Variants in RANBP2 observed in about 807,000 individuals in gnomAD.
The protein encoded by RANBP2 is RAN binding protein 2, also known as E3 SUMO-protein ligase RanBP2.
RANBP2 carries 57 observed loss-of-function variants against 303.6 expected under a neutral mutation model. The observed-to-expected ratio is 0.19, with a 90% CI of 0.15 to 0.23. The LOEUF (loss-of-function observed/expected upper bound fraction) is 0.23, where lower values mean the gene tolerates loss of function less well. Ranked by LOEUF, RANBP2 falls within the 10% of genes least tolerant of loss-of-function variation. The pLI is 1.00. For missense variants in RANBP2, 3,138 were observed against 3,780.8 expected, an observed-to-expected ratio of 0.83 and a Z score of 4.46; for synonymous variants, 1,167 against 1,301.5, an observed-to-expected ratio of 0.90 and a Z score of 2.23.
At chr2:109,099,801 T>A in the RANBP2 span, among the ~76,000 whole-genome samples, 1 of 152,186 alleles carries the variant, frequency 6.6e-6, no homozygotes, top group Admixed American at 6.5e-5. Flanking sequence ...TTTGTTTTTT[T>A]AATCATACCT....
chr2:108,745,808 C>A (rs2693115), intron 7 of RANBP2, among the ~76,000 whole-genome samples: 24 of 151,836 alleles, frequency 1.6e-4, no homozygotes, highest in South Asian at 1.5e-3. Context: ...TATGCAGGGT[C>A]GAAAAGTAAT....
chr2:108,782,496 A>G (rs1678324884), intron 27 of RANBP2, 32 bp from the exon 28 acceptor site: 1 of 1,613,388 alleles, frequency 6.2e-7, no homozygotes, highest in African/African-American at 1.3e-5. Context: ...TTTAATACTA[A>G]GGTCACTGCT....
the RANBP2 span, among the ~76,000 whole-genome samples, chr2:109,138,869 G>A: frequency 3.9e-5 from 6 of 152,188 alleles, no homozygotes; most frequent in African/African-American, 1.4e-4. Flanking sequence ...TTAAGCACTG[G>A]AATATACATT....
the RANBP2 span, among the ~76,000 whole-genome samples, chr2:109,508,564 G>T: frequency 6.6e-6 from 1 of 151,982 alleles, no homozygotes; most frequent in Non-Finnish European, 1.5e-5. Context: ...CAACAGACGT[G>T]GACATCATTA....
At chr2:108,954,683 T>A in the RANBP2 span, among the ~76,000 whole-genome samples, 2 of 151,982 alleles carry the variant, frequency 1.3e-5, no homozygotes, top group Non-Finnish European at 2.9e-5. Flanking sequence ...ATAATCTTTT[T>A]TTTTTTTTCT....
chr2:109,302,232 G>C, the RANBP2 span, among the ~76,000 whole-genome samples: 1 of 152,132 alleles, frequency 6.6e-6, no homozygotes, highest in African/African-American at 2.4e-5. Context: ...GATGCTTTCA[G>C]GTTGCTCTAA....
the RANBP2 span, among the ~76,000 whole-genome samples, chr2:109,190,277 G>A: frequency 3.3e-5 from 5 of 152,066 alleles, no homozygotes; most frequent in African/African-American, 1.2e-4. Context: ...GGGTTCAAGT[G>A]ATTCTTCTGC....
chr2:108,810,391 C>T, the RANBP2 span, among the ~76,000 whole-genome samples: 1 of 152,134 alleles, frequency 6.6e-6, no homozygotes, highest in African/African-American at 2.4e-5. Flanking sequence ...TTTTCTGTGT[C>T]TATTGAAATG....
chr2:109,691,282 T>TA, the RANBP2 span, among the ~76,000 whole-genome samples: 1 of 152,218 alleles, frequency 6.6e-6, no homozygotes, highest in African/African-American at 2.4e-5. Flanking sequence ...GACAGGTTTT[T>TA]AGTGGATACC....
At chr2:109,130,760 T>A in the RANBP2 span, among the ~76,000 whole-genome samples, 6 of 152,120 alleles carry the variant, frequency 3.9e-5, no homozygotes, top group Non-Finnish European at 7.4e-5. Flanking sequence ...ACGGGGGTCA[T>A]TTATATTTAT....
the RANBP2 span, among the ~76,000 whole-genome samples, chr2:109,589,780 G>A: frequency 1.3e-5 from 2 of 151,806 alleles, no homozygotes; most frequent in Non-Finnish European, 2.9e-5. Flanking sequence ...GAAAACATAT[G>A]TCCACCCAAG....
the RANBP2 span, chr2:109,129,740 C>T: frequency 1.9e-6 from 3 of 1,539,150 alleles, no homozygotes; most frequent in Non-Finnish European, 2.6e-6. Context: ...CTGGACACCA[C>T]GGCCAAGGTG....
At chr2:109,430,645 T>G in the RANBP2 span, among the ~76,000 whole-genome samples, 1 of 152,234 alleles carries the variant, frequency 6.6e-6, no homozygotes, top group Admixed American at 6.5e-5. Flanking sequence ...TTTGTCATTT[T>G]CACTGGACTT....
the RANBP2 span, among the ~76,000 whole-genome samples, chr2:109,064,640 T>C: frequency 6.6e-6 from 1 of 152,162 alleles, no homozygotes; most frequent in Admixed American, 6.5e-5. Flanking sequence ...GAAAGATTTC[T>C]TCTGTTTAAA....
At chr2:109,465,901 C>T in the RANBP2 span, among the ~76,000 whole-genome samples, 1 of 152,090 alleles carries the variant, frequency 6.6e-6, no homozygotes, top group South Asian at 2.1e-4. Context: ...AATCTGCTTC[C>T]ACGACCATTC....
At chr2:108,797,962 ATTTTT>A in the RANBP2 span, among the ~76,000 whole-genome samples, 1 of 141,238 alleles carries the variant, frequency 7.1e-6, no homozygotes, top group African/African-American at 2.6e-5. Context: ...ACGGTGTGTG[ATTTTT>A]TTTTTTTTTT....
chr2:109,237,981 C>A, the RANBP2 span, among the ~76,000 whole-genome samples: 2 of 152,084 alleles, frequency 1.3e-5, no homozygotes, highest in Non-Finnish European at 2.9e-5. Context: ...GCTTGTAATC[C>A]TAGCACTTGA....
At chr2:108,789,057 C>A (rs1679464198), downstream of RANBP2, 8 of 1,357,300 alleles carry the variant, frequency 5.9e-6, no homozygotes, top group Non-Finnish European at 6.2e-6. Flanking sequence ...TTTGCTCTTT[C>A]CTGAGGACAA....
At chr2:109,333,496 G>C in the RANBP2 span, among the ~76,000 whole-genome samples, 1 of 152,180 alleles carries the variant, frequency 6.6e-6, no homozygotes, top group Admixed American at 6.5e-5. Flanking sequence ...GAGGTTTCAC[G>C]TATAGCATAC....
Sources: gnomAD v4.1 joint callset for allele counts (sites outside exome capture counted in the v4.1 genomes callset) on GRCh38, gnomAD v4.1.1 for gene constraint, MANE v1.5 for transcripts, NCBI Gene and HGNC (gene_info 2026-07-23, HGNC 2026-07-21) for gene names.